TRPM3: variants seen among roughly 807,000 people sequenced by gnomAD.
The protein encoded by TRPM3 is long transient receptor potential channel 3.
A neutral mutation model predicts 181.2 loss-of-function variants in TRPM3; 77 were observed. The ratio of observed to expected loss-of-function variants is 0.42; its 90% confidence interval spans 0.35 to 0.51. The LOEUF (loss-of-function observed/expected upper bound fraction) is 0.51, where lower values mean the gene tolerates loss of function less well. TRPM3 is among the 20% of genes least tolerant of loss of function. The pLI, the probability that TRPM3 is intolerant of heterozygous loss-of-function variation, is 0.01. For missense variants in TRPM3, 1,759 were observed against 2,196.7 expected, an observed-to-expected ratio of 0.80 and a Z score of 3.98; for synonymous variants, 745 against 796.4, an observed-to-expected ratio of 0.94 and a Z score of 1.09.
intron 1 of TRPM3, among the ~76,000 whole-genome samples, chr9:71,169,766 C>A (rs2076747279): frequency 6.6e-6 from 1 of 151,468 alleles, no homozygotes; most frequent in Admixed American, 6.6e-5. Context: ...ACCAGCCTGG[C>A]CAACATGGCG....
rs765535776 is a variant in TRPM3, at chr9:70,535,987, G to A, written c.5126C>T (p.Ser1709Leu). The A allele has an allele frequency of 2.4e-5, 38 of 1,608,454 alleles. No homozygotes were observed. Among genetic ancestry groups the A allele is most frequent in the South Asian group, 1.8e-4 (16 of 90,074 alleles). Residue 1709 changes from serine (S) to leucine (L), a missense_variant, in exon 26 of 26, where the codon TCG (serine) becomes TTG (leucine). By Grantham distance (145) the Ser-to-Leu change is moderately radical. Around this residue, in one of 8 missense-constraint regions of TRPM3, gnomAD observed 612 missense variants for 590.0 expected, o/e 1.04. Coordinates refer to ENST00000677713, the MANE Select transcript of TRPM3 (RefSeq NM_001366145.2). The stretch of plus-strand genomic sequence containing the variant: ...CTTGCTTTCAAAGCTTTGGAAAGCC[G>A]ATGTTCTGGACAGTCTCCTCATGGA... ...SLSMRRLSRTSAFQSFESKHN is the reference protein window; with the variant it reads ...SLSMRRLSRTLAFQSFESKHN
At chr9:70,617,911 G>T (rs2063034061) in intron 17 of TRPM3, among the ~76,000 whole-genome samples, 1 of 152,168 alleles carries the variant, frequency 6.6e-6, no homozygotes, top group African/African-American at 2.4e-5. Flanking sequence ...GTTGCAGTGA[G>T]CCAAGATCAC....
intron 1 of TRPM3, among the ~76,000 whole-genome samples, chr9:71,396,469 A>T (rs945892129): frequency 6.6e-6 from 1 of 152,136 alleles, no homozygotes; most frequent in African/African-American, 2.4e-5. Context: ...TTTAATTTTC[A>T]TTTTAAACGA....
At chr9:71,368,188 ACTCCC>A (rs2092402230) in intron 1 of TRPM3, among the ~76,000 whole-genome samples, 1 of 152,014 alleles carries the variant, frequency 6.6e-6, no homozygotes, top group Non-Finnish European at 1.5e-5. Flanking sequence ...ATGTGATGAG[ACTCCC>A]AATGCTACCA....
At chr9:70,603,778 A>G (rs1176144690) in intron 19 of TRPM3, among the ~76,000 whole-genome samples, 1 of 152,150 alleles carries the variant, frequency 6.6e-6, no homozygotes, top group Non-Finnish European at 1.5e-5. Context: ...TTTCTTGGCT[A>G]AAAAGGGAGC....
At chr9:71,371,260 C>A (rs1247232345) in intron 1 of TRPM3, among the ~76,000 whole-genome samples, 1 of 152,018 alleles carries the variant, frequency 6.6e-6, no homozygotes, top group African/African-American at 2.4e-5. Flanking sequence ...TTTTTTAGGT[C>A]GATAACTGCC....
At chr9:71,207,262 A>C (rs1026771734) in intron 1 of TRPM3, among the ~76,000 whole-genome samples, 3 of 152,136 alleles carry the variant, frequency 2.0e-5, no homozygotes, top group African/African-American at 7.2e-5. Flanking sequence ...TAAATAATAC[A>C]TCTCTTACAT....
chr9:70,551,521 T>C (rs1410940902), intron 24 of TRPM3, among the ~76,000 whole-genome samples: 6 of 152,206 alleles, frequency 3.9e-5, no homozygotes, highest in African/African-American at 1.4e-4. Flanking sequence ...CTGGCCTTCT[T>C]TGAGGGGGTG....
At chr9:71,382,738 T>A (rs2092832845) in intron 1 of TRPM3, among the ~76,000 whole-genome samples, 1 of 151,978 alleles carries the variant, frequency 6.6e-6, no homozygotes, top group South Asian at 2.1e-4. Flanking sequence ...TCCCTTGGTC[T>A]CTTGAACACA....
At chr9:71,218,172 CAATCCCAGTG>C (rs2080013304) in intron 1 of TRPM3, among the ~76,000 whole-genome samples, 1 of 152,148 alleles carries the variant, frequency 6.6e-6, no homozygotes, top group African/African-American at 2.4e-5. Flanking sequence ...CCTATCCACA[CAATCCCAGTG>C]TATCCTGCAC....
rs57794545 is a variant in TRPM3, at chr9:70,751,999, A to AGTGTGTATGTGTGTGT, written c.1272+9601_1272+9602insACACACACATACACAC. On this transcript the variant is annotated intron_variant, in intron 8 of 25. Transcript: ENST00000677713. ...ATGCAGTTTCAATCCACATCTCAACAGTGTGTGTGTGTGTGTGTGTGTGTG... is the reference window on the plus strand; with the variant it reads ...ATGCAGTTTCAATCCACATCTCAACAGTGTGTATGTGTGTGTGTGTGTGTGTGTGTGTGTGTGTGTG... 1.3e-3 allele frequency among the ~76,000 whole-genome samples: 138 copies of AGTGTGTATGTGTGTGT among 104,512 alleles called. 1 individual carries two copies. Among genetic ancestry groups the AGTGTGTATGTGTGTGT allele is most frequent in the East Asian group, 3.8e-3 (14 of 3,678 alleles). The allele number at this position is 104,512 out of a possible 152,430, so 68.6% of individuals were successfully genotyped here.
At chr9:71,223,395 C>T (rs1426582605) in intron 1 of TRPM3, among the ~76,000 whole-genome samples, 2 of 152,172 alleles carry the variant, frequency 1.3e-5, no homozygotes, top group Non-Finnish European at 2.9e-5. Flanking sequence ...GAATAACCAG[C>T]AGCAATAGTC....
At chr9:71,246,871 G>A (rs1410792097) in intron 1 of TRPM3, among the ~76,000 whole-genome samples, 1 of 152,150 alleles carries the variant, frequency 6.6e-6, no homozygotes, top group Non-Finnish European at 1.5e-5. Flanking sequence ...TGTAATTCCA[G>A]TGTATCACAA....
At chr9:71,135,947 T>TA (rs1236400526) in intron 1 of TRPM3, among the ~76,000 whole-genome samples, 1 of 152,226 alleles carries the variant, frequency 6.6e-6, no homozygotes, top group Non-Finnish European at 1.5e-5. Flanking sequence ...ACTTGCAGCA[T>TA]AACCATGAAT....
intron 1 of TRPM3, among the ~76,000 whole-genome samples, chr9:71,024,097 A>G (rs975759720): frequency 2.6e-5 from 4 of 152,198 alleles, no homozygotes; most frequent in African/African-American, 9.7e-5. Flanking sequence ...TCATTGGGAG[A>G]AATCAGGGAA....
At chr9:70,822,933 G>A (rs980009065) in intron 6 of TRPM3, among the ~76,000 whole-genome samples, 8 of 152,082 alleles carry the variant, frequency 5.3e-5, no homozygotes, top group African/African-American at 1.9e-4. Context: ...CAAGGGCCCG[G>A]TGTTTTCATG....
rs559346060 is a variant in TRPM3, at chr9:71,400,769, G to A, written c.183+45884C>T. Among the ~76,000 whole-genome samples, 19 of 150,922 alleles carry A rather than the reference G, an allele frequency of 1.3e-4. No homozygotes were observed. In the South Asian group the frequency reaches 4.0e-3, roughly 32 times the overall value. Reference sequence around the variant, plus strand: ...GGTTTGGTTCTATTTTTAAGTGTATGGCAATGTATTTTACTAGTTCTTTTT... The same window carrying A: ...GGTTTGGTTCTATTTTTAAGTGTATAGCAATGTATTTTACTAGTTCTTTTT... On this transcript the variant is annotated intron_variant, in intron 1 of 24. Transcript: ENST00000357533.
At chr9:70,783,191 G>C (rs1005862730) in intron 7 of TRPM3, among the ~76,000 whole-genome samples, 3 of 152,116 alleles carry the variant, frequency 2.0e-5, no homozygotes, top group Non-Finnish European at 4.4e-5. Flanking sequence ...GTTTGGCCTA[G>C]TACATGGCAC....
intron 25 of TRPM3, among the ~76,000 whole-genome samples, chr9:70,546,280 A>G (rs1273442022): frequency 6.6e-6 from 1 of 152,226 alleles, no homozygotes; most frequent in Non-Finnish European, 1.5e-5. Context: ...CATCAGTATC[A>G]TCTGGAAACA....
Sources: allele counts gnomAD v4.1 joint callset (sites outside exome capture counted in the v4.1 genomes callset), GRCh38; gene constraint gnomAD v4.1.1; regional missense constraint gnomAD v4.1.1; transcripts MANE v1.5; gene names NCBI Gene and HGNC (gene_info 2026-07-23, HGNC 2026-07-21).